The following RSBN1L variants were observed in gnomAD, a reference collection of about 807,000 sequenced individuals.
RSBN1L encodes the protein round spermatid basic protein 1 like, also known as lysine-specific demethylase RSBN1L.
A neutral mutation model predicts 67.7 loss-of-function variants in RSBN1L; 30 were observed. The observed-to-expected ratio is 0.44, with a 90% CI of 0.33 to 0.60. The LOEUF (loss-of-function observed/expected upper bound fraction) is 0.60. RSBN1L is among the 20% of genes least tolerant of loss of function. The pLI, the probability that RSBN1L is intolerant of heterozygous loss-of-function variation, is 0.02. For missense variants in RSBN1L, 992 were observed against 1,031.7 expected, an observed-to-expected ratio of 0.96 and a Z score of 0.53; for synonymous variants, 433 against 387.0, an observed-to-expected ratio of 1.12 and a Z score of -1.39.
At chr7:77,770,814 A>G (rs975392031) in intron 5 of RSBN1L, among the ~76,000 whole-genome samples, 5 of 152,250 alleles carry the variant, frequency 3.3e-5, no homozygotes, top group African/African-American at 1.2e-4. Flanking sequence ...AAGAAATAAC[A>G]AAACCCTACT....
At chr7:77,749,123 G>A (rs909309352) in intron 2 of RSBN1L, among the ~76,000 whole-genome samples, 3 of 152,038 alleles carry the variant, frequency 2.0e-5, no homozygotes, top group East Asian at 1.9e-4. Flanking sequence ...GCATGGTGAC[G>A]CGCTCCTGTA....
chr7:77,774,762 A>G (rs1791890388), intron 6 of RSBN1L, among the ~76,000 whole-genome samples: 1 of 152,180 alleles, frequency 6.6e-6, no homozygotes. Context: ...ACAAAAAAAG[A>G]TAATTTTGCT....
At chr7:77,764,871 TC>T (rs1433826067) in intron 3 of RSBN1L, among the ~76,000 whole-genome samples, 1 of 152,166 alleles carries the variant, frequency 6.6e-6, no homozygotes, top group African/African-American at 2.4e-5. Context: ...GACCTCATGA[TC>T]CGCCTGCCTT....
chr7:77,749,297 G>T (rs1791523335), intron 2 of RSBN1L, 127 bp from the exon 3 acceptor site: 3 of 674,536 alleles, frequency 4.4e-6, no homozygotes, highest in African/African-American at 1.9e-5. Context: ...TGTAAAAAAT[G>T]AGTCCTAAAT....
chr7:77,709,850 A>G (rs1790949758), intron 1 of RSBN1L, among the ~76,000 whole-genome samples: 1 of 152,160 alleles, frequency 6.6e-6, no homozygotes, highest in Non-Finnish European at 1.5e-5. Context: ...ATCTATATAA[A>G]TTGCCTCCTT....
At chr7:77,728,695 A>C (rs1791237926) in intron 1 of RSBN1L, among the ~76,000 whole-genome samples, 1 of 152,236 alleles carries the variant, frequency 6.6e-6, no homozygotes, top group Admixed American at 6.5e-5. Flanking sequence ...GTTTTCCTGC[A>C]GGAGAACACA....
At chr7:77,750,107 T>G (rs1791534941) in intron 3 of RSBN1L, 43 bp downstream of exon 3, 11 of 1,187,484 alleles carry the variant, frequency 9.3e-6, no homozygotes, top group Non-Finnish European at 1.2e-5. Context: ...TAATTATATA[T>G]TTTTAGATGA....
chr7:77,751,288 CA>C (rs1440977575), intron 3 of RSBN1L, among the ~76,000 whole-genome samples: 1 of 152,062 alleles, frequency 6.6e-6, no homozygotes, highest in Non-Finnish European at 1.5e-5. Context: ...TACAGACATG[CA>C]CCACCATGCC....
intron 1 of RSBN1L, among the ~76,000 whole-genome samples, chr7:77,729,740 G>A (rs547824276): frequency 1.3e-5 from 2 of 152,142 alleles, no homozygotes; most frequent in African/African-American, 4.8e-5. Flanking sequence ...GAGTGTTTGA[G>A]CACAGGAGTT....
intron 1 of RSBN1L, among the ~76,000 whole-genome samples, chr7:77,726,776 ATTTT>A (rs35354992): frequency 8.9e-6 from 1 of 112,304 alleles, no homozygotes; most frequent in Admixed American, 1.0e-4. Flanking sequence ...CACCCAGCTA[ATTTT>A]TTTTTTTTTT....
chr7:77,771,789 C>T (rs189461063), intron 5 of RSBN1L, among the ~76,000 whole-genome samples: 119 of 151,954 alleles, frequency 7.8e-4, no homozygotes, highest in African/African-American at 2.7e-3. Context: ...GGATTACAAG[C>T]GTGAGCCACT....
At position 77,778,346 on chromosome 7, in the gene RSBN1L, A is replaced by T; in HGVS notation, c.1802A>T (p.Gln601Leu). 6.2e-7 allele frequency: 1 copy of T among 1,604,134 alleles called. No individual in the cohort carries two copies. Among genetic ancestry groups the T allele is most frequent in the Non-Finnish European group, 8.5e-7 (1 of 1,176,320 alleles). The change falls in exon 7 of 8, where the codon CAA (glutamine) becomes CTA (leucine). Residue 601 changes from glutamine (Q) to leucine (L), a missense_variant. Physicochemically the swap from Gln to Leu is moderately radical, Grantham distance 113. This residue lies in a region of RSBN1L where 31 missense variants were observed against 24.5 expected (regional missense o/e 1.26). Transcript: ENST00000334955. ...KAVHCGEWPDQPRITKDVICF... is the reference protein window; with the variant it reads ...KAVHCGEWPDLPRITKDVICF... ...CTCGTTTTCTTTTTTAGGCCTGATC[A>T]ACCCCGTATAACCAAAGATGTAATT...
intron 1 of RSBN1L, among the ~76,000 whole-genome samples, chr7:77,720,918 G>A (rs557862816): frequency 3.4e-4 from 51 of 151,710 alleles, no homozygotes; most frequent in Admixed American, 1.2e-3. Flanking sequence ...GACCTTGCCC[G>A]GCTACATTTT....
rs1423964795 is a variant in RSBN1L, at chr7:77,767,854, CT to C, written c.1483-806del. On this transcript the variant is annotated intron_variant, in intron 4 of 7. Transcript: ENST00000334955. ...CTCCCTCCCCCCTTCTCCCTCCCCC[CT>C]CCCTCTCCTTTCATTCTTTGGAGTC... is the stretch of plus-strand genomic sequence containing the variant. 1.4e-3 allele frequency among the ~76,000 whole-genome samples: 116 copies of C among 80,632 alleles called. 1 individual carries two copies. The highest frequency in any genetic ancestry group is 5.4e-3 in the African/African-American group (111 of 20,694). The allele number at this position is 80,632 out of a possible 152,430, so 52.9% of individuals were successfully genotyped here.
At chr7:77,728,456 T>C (rs1233869883) in intron 1 of RSBN1L, among the ~76,000 whole-genome samples, 2 of 152,220 alleles carry the variant, frequency 1.3e-5, no homozygotes, top group Non-Finnish European at 2.9e-5. Context: ...TACTTTCCTC[T>C]AGAGGGTTTT....
At chr7:77,717,261 A>G (rs1354405477) in intron 1 of RSBN1L, among the ~76,000 whole-genome samples, 1 of 152,106 alleles carries the variant, frequency 6.6e-6, no homozygotes, top group Non-Finnish European at 1.5e-5. Flanking sequence ...ATTATTTTAT[A>G]TCGTCTTAGA....
chr7:77,722,628 T>G (rs1441558496), intron 1 of RSBN1L, among the ~76,000 whole-genome samples: 1 of 152,102 alleles, frequency 6.6e-6, no homozygotes, highest in Non-Finnish European at 1.5e-5. Context: ...TTTATTTTAG[T>G]GTATGTAATT....
At chr7:77,699,791 T>G (rs1790790212) in intron 1 of RSBN1L, among the ~76,000 whole-genome samples, 1 of 151,568 alleles carries the variant, frequency 6.6e-6, no homozygotes, top group African/African-American at 2.4e-5. Context: ...TGCAAAACAG[T>G]TTAGATTTTT....
chr7:77,745,343 T>C (rs1290019542), intron 2 of RSBN1L, among the ~76,000 whole-genome samples: 3 of 152,164 alleles, frequency 2.0e-5, no homozygotes, highest in African/African-American at 7.2e-5. Context: ...TGAGACAGAT[T>C]TTTTCATTCA....
Sources: gnomAD v4.1 joint callset for allele counts (sites outside exome capture counted in the v4.1 genomes callset) on GRCh38, gnomAD v4.1.1 for gene constraint, gnomAD v4.1.1 regional missense constraint, MANE v1.5 for transcripts, NCBI Gene and HGNC (gene_info 2026-07-23, HGNC 2026-07-21) for gene names.